Variants in OPCML observed in about 807,000 individuals in gnomAD.
The protein encoded by OPCML is opioid-binding protein/cell adhesion molecule.
Under a neutral mutation model 37.8 loss-of-function variants are expected in OPCML, and 13 were observed. That is an observed-to-expected ratio of 0.34 (90% CI 0.22 to 0.55). The LOEUF is 0.55. Among genes scored for constraint, OPCML ranks in the 20% least tolerant of loss-of-function variants. The pLI, the probability that OPCML is intolerant of heterozygous loss-of-function variation, is 0.91. For missense variants in OPCML, 341 were observed against 435.6 expected (o/e 0.78, Z 1.93); for synonymous variants, 176 against 168.8 (o/e 1.04, Z -0.33).
chr11:133,060,183 C>T (rs909124943), intron 1 of OPCML, among the ~76,000 whole-genome samples: 1 of 151,108 alleles, frequency 6.6e-6, no homozygotes, highest in Non-Finnish European at 1.5e-5. Context: ...TCTCCCTCTC[C>T]CTCTCCTTCT....
At chr11:132,436,444 T>A (rs2096013329) in intron 6 of OPCML, 1 of 951,186 alleles carries the variant, frequency 1.1e-6, no homozygotes, top group Non-Finnish European at 1.3e-6. Context: ...CTACAACCAG[T>A]CTCAGATTCA....
intron 1 of OPCML, among the ~76,000 whole-genome samples, chr11:133,406,355 T>C (rs898759760): frequency 6.6e-6 from 1 of 152,046 alleles, no homozygotes; most frequent in African/African-American, 2.4e-5. Flanking sequence ...CATGAGACCA[T>C]TCTCCTTCCA....
At chr11:133,184,612 T>C (rs1167736846) in intron 1 of OPCML, among the ~76,000 whole-genome samples, 1 of 152,132 alleles carries the variant, frequency 6.6e-6, no homozygotes, top group African/African-American at 2.4e-5. Flanking sequence ...GGCAGATCTA[T>C]AAAACCCAGG....
chr11:133,361,341 C>T (rs927068135), intron 1 of OPCML: 2 of 152,302 alleles, frequency 1.3e-5, no homozygotes, highest in African/African-American at 4.8e-5. Context: ...ATGCGGCCCC[C>T]CTTCCACACA....
chr11:132,877,492 A>C (rs1943064220), intron 2 of OPCML, among the ~76,000 whole-genome samples: 1 of 152,074 alleles, frequency 6.6e-6, no homozygotes, highest in African/African-American at 2.4e-5. Context: ...TCAGTTCTTC[A>C]TTCTTTATTT....
intron 3 of OPCML, among the ~76,000 whole-genome samples, chr11:132,655,989 A>T (rs1311129740): frequency 6.6e-6 from 1 of 152,116 alleles, no homozygotes; most frequent in Admixed American, 6.6e-5. Context: ...GGATCTGATA[A>T]AAGGCAGATG....
chr11:133,002,951 A>T (rs1433051608), intron 1 of OPCML, among the ~76,000 whole-genome samples: 3 of 152,080 alleles, frequency 2.0e-5, no homozygotes, highest in Admixed American at 2.0e-4. Context: ...TCTCTTTTTC[A>T]TATCAGTGGG....
intron 3 of OPCML, among the ~76,000 whole-genome samples, chr11:132,547,096 T>C (rs2096370418): frequency 6.6e-6 from 1 of 152,216 alleles, no homozygotes. Context: ...CAAAGGCTTT[T>C]GGGACACAGC....
chr11:132,796,034 C>T (rs1367204866), intron 2 of OPCML, among the ~76,000 whole-genome samples: 1 of 152,144 alleles, frequency 6.6e-6, no homozygotes, highest in Non-Finnish European at 1.5e-5. Flanking sequence ...TAAGCTATTT[C>T]CATAGCATCT....
chr11:132,654,292 G>C (rs992639687), intron 3 of OPCML, among the ~76,000 whole-genome samples: 1 of 152,204 alleles, frequency 6.6e-6, no homozygotes, highest in Non-Finnish European at 1.5e-5. Context: ...GTACAAACCA[G>C]CCTGCCAAGG....
At chr11:133,103,125 T>C (rs1302140989) in intron 1 of OPCML, among the ~76,000 whole-genome samples, 1 of 152,238 alleles carries the variant, frequency 6.6e-6, no homozygotes, top group African/African-American at 2.4e-5. Context: ...TTTTTTCTAA[T>C]AGTGATCTGG....
intron 1 of OPCML, among the ~76,000 whole-genome samples, chr11:133,235,917 C>A (rs531765219): frequency 1.3e-5 from 2 of 152,260 alleles, no homozygotes; most frequent in Non-Finnish European, 2.9e-5. Flanking sequence ...CCTTCTGATT[C>A]GAATACAATA....
At chr11:133,045,996 A>T (rs1442997111) in intron 1 of OPCML, among the ~76,000 whole-genome samples, 1 of 152,182 alleles carries the variant, frequency 6.6e-6, no homozygotes, top group Non-Finnish European at 1.5e-5. Context: ...GCTCACCGGC[A>T]AGGGGCTTGT....
At position 132,835,500 on chromosome 11, in the gene OPCML, C is replaced by A. The variant is rs866871344; in HGVS notation, c.146+107426G>T. On this transcript the variant is annotated intron_variant, in intron 2 of 7. Transcript: ENST00000524381. ...AGAGTCTGTCTCTCCCTAGTCAGTACCAGTGGTGACAGTTTTCTGTTCTCA... is the reference window on the plus strand; with the variant it reads ...AGAGTCTGTCTCTCCCTAGTCAGTAACAGTGGTGACAGTTTTCTGTTCTCA... Among the ~76,000 whole-genome samples the A allele has an allele frequency of 1.7e-4, 26 of 152,162 alleles. 1 individual carries two copies. Among genetic ancestry groups the A allele is most frequent in the Admixed American group, 9.8e-4 (15 of 15,282 alleles).
chr11:132,697,323 G>T (rs952323104), intron 2 of OPCML, among the ~76,000 whole-genome samples: 6 of 152,098 alleles, frequency 3.9e-5, no homozygotes, highest in African/African-American at 1.4e-4. Context: ...CAAATTTCAA[G>T]TATGCGATAC....
rs761526761 is a variant in OPCML at position 132,657,154 on chromosome 11, A to G, written c.312T>C (p.Gly104=). The part of the protein sequence containing the change: ...MIQNVDVYDE[G]PYTCSVQTDN... ...CTGTCTGCACAGAGCAGGTGTACGG[A>G]CCTTCGTCATACACATCCACATTTT... Residue 104 remains glycine, a synonymous_variant, in exon 3 of 8, where the codon GGT becomes GGC. Transcript: ENST00000524381. 2.5e-6 allele frequency: 4 copies of G among 1,614,064 alleles called. No individual in the cohort carries two copies. The Admixed American group carries it at 6.7e-5, about 27-fold the overall frequency.
Position 133,139,125 on chromosome 11 carries a change from C to T in OPCML, c.62-196115G>A, listed in dbSNP as rs567201644. ...ACGAGCCCACAAAAGTAATCTAACA[C>T]GTAATGTGACTGAAATGCACTTATT... is the stretch of plus-strand genomic sequence containing the variant. On this transcript the variant is annotated intron_variant, in intron 1 of 7. Coordinates refer to ENST00000524381, the MANE Select transcript of OPCML (RefSeq NM_001012393.5). 2.0e-5 allele frequency among the ~76,000 whole-genome samples: 3 copies of T among 152,268 alleles called. No individual in the cohort carries two copies. In the South Asian group the frequency reaches 6.2e-4, roughly 32 times the overall value.
intron 4 of OPCML, among the ~76,000 whole-genome samples, chr11:132,509,536 G>T (rs996556116): frequency 3.3e-5 from 5 of 152,148 alleles, no homozygotes; most frequent in Non-Finnish European, 5.9e-5. Context: ...CAGGCCCAGG[G>T]TCCTCGTATT....
At chr11:132,743,283 C>A (rs1945499889) in intron 2 of OPCML, among the ~76,000 whole-genome samples, 1 of 152,030 alleles carries the variant, frequency 6.6e-6, no homozygotes, top group Admixed American at 6.6e-5. Context: ...GACTTAGGTT[C>A]AAAAGGAAGT....
Sources: gnomAD v4.1 joint callset for allele counts (sites outside exome capture counted in the v4.1 genomes callset) on GRCh38, gnomAD v4.1.1 for gene constraint, MANE v1.5 for transcripts, NCBI Gene and HGNC (gene_info 2026-07-23, HGNC 2026-07-21) for gene names.